The following ZNF474 variants were observed in gnomAD, a reference collection of about 807,000 sequenced individuals.
The protein encoded by ZNF474 is 4933409D10Rik.
For missense variants in ZNF474, 511 were observed against 433.8 expected, an observed-to-expected ratio of 1.18 and a Z score of -1.58; for synonymous variants, 192 against 162.2, an observed-to-expected ratio of 1.18 and a Z score of -1.39.
chr5:122,146,359 T>G (rs1755988604), intron 1 of ZNF474, among the ~76,000 whole-genome samples: 1 of 151,812 alleles, frequency 6.6e-6, no homozygotes, highest in Admixed American at 6.5e-5. Context: ...TAATAAAAAA[T>G]AGTCATTAAA....
Position 122,152,453 on chromosome 5 carries a change from G to A in ZNF474, c.463G>A (p.Glu155Lys), listed in dbSNP as rs114002354. The change falls in exon 2 of 2, where the codon GAG becomes AAG. Residue 155 changes from glutamate to lysine, a missense_variant. By Grantham distance (56) the Glu-to-Lys change is moderately conservative. Coordinates refer to ENST00000296600, the MANE Select transcript of ZNF474 (RefSeq NM_207317.3). The part of the protein sequence containing the change: ...SGSYSLQATN[E>K]AAFQSAQAQL... Reference sequence around the variant, plus strand: ...GTCCTACAGTCTTCAGGCAACTAACGAGGCTGCATTTCAGAGTGCCCAGGC... The same window carrying A: ...GTCCTACAGTCTTCAGGCAACTAACAAGGCTGCATTTCAGAGTGCCCAGGC... 3.1e-3 allele frequency: 4,968 copies of A among 1,614,178 alleles called. 18 individuals carry two copies. Among genetic ancestry groups the A allele is most frequent in the Non-Finnish European group, 3.7e-3 (4,413 of 1,180,022 alleles).
intron 1 of ZNF474, among the ~76,000 whole-genome samples, chr5:122,135,105 A>C (rs1383101814): frequency 6.6e-6 from 1 of 152,224 alleles, no homozygotes; most frequent in Non-Finnish European, 1.5e-5. Context: ...CCATCTGACA[A>C]GGGATTAATT....
At chr5:122,130,123 A>G (rs1272848399) in intron 1 of ZNF474, among the ~76,000 whole-genome samples, 1 of 152,156 alleles carries the variant, frequency 6.6e-6, no homozygotes, top group Non-Finnish European at 1.5e-5. Flanking sequence ...ATGAAAGAAA[A>G]GGGGTATTAA....
intron 1 of ZNF474, among the ~76,000 whole-genome samples, chr5:122,141,602 C>A (rs895769028): frequency 2.6e-4 from 39 of 152,036 alleles, no homozygotes. Flanking sequence ...CCACTGCACC[C>A]GGCCCTAGCT....
Position 122,152,528 on chromosome 5 carries a change from CT to C in ZNF474, c.540del (p.Val182PhefsTer137). ...TGGCCGCACATTCTTGCCAGATCAT[CT>C]TCTTGTTCATCACAGAAGCTGCAAG... Reference protein sequence around the residue: ...SCGRTFLPDHLLVHHRSCKPK... With the variant: ...SCGRTFLPDHXLVHHRSCKPK... On this transcript the variant is annotated frameshift_variant, in exon 2 of 2. Coordinates refer to ENST00000296600, the MANE Select transcript of ZNF474 (RefSeq NM_207317.3). LOFTEE classifies it low-confidence loss of function (END_TRUNC). 1 of 1,614,176 alleles carries C rather than the reference CT, an allele frequency of 6.2e-7. No homozygotes were observed. The highest frequency in any genetic ancestry group is 8.5e-7 in the Non-Finnish European group (1 of 1,180,028).
chr5:122,139,918 T>A (rs1261696386), intron 1 of ZNF474, among the ~76,000 whole-genome samples: 1 of 152,160 alleles, frequency 6.6e-6, no homozygotes, highest in Non-Finnish European at 1.5e-5. Flanking sequence ...TAGAGAGGAC[T>A]TACAAGCACA....
intron 1 of ZNF474, among the ~76,000 whole-genome samples, chr5:122,136,133 A>G (rs895623498): frequency 1.4e-4 from 21 of 152,236 alleles, no homozygotes; most frequent in Non-Finnish European, 8.8e-5. Flanking sequence ...AATAATGAAA[A>G]GACTAGAATT....
At chr5:122,148,799 C>T (rs557244634) in intron 1 of ZNF474, among the ~76,000 whole-genome samples, 18 of 151,714 alleles carry the variant, frequency 1.2e-4, no homozygotes, top group African/African-American at 3.9e-4. Context: ...TGCAATGGCG[C>T]GATCTTGGCT....
At chr5:122,135,174 T>C (rs1470195491) in intron 1 of ZNF474, among the ~76,000 whole-genome samples, 1 of 152,202 alleles carries the variant, frequency 6.6e-6, no homozygotes, top group Non-Finnish European at 1.5e-5. Context: ...TATACATTTT[T>C]AAAATGGGCA....
At chr5:122,133,929 T>G (rs1755638129) in intron 1 of ZNF474, among the ~76,000 whole-genome samples, 1 of 152,234 alleles carries the variant, frequency 6.6e-6, no homozygotes, top group African/African-American at 2.4e-5. Context: ...CAACTGGACC[T>G]TCATATGACT....
At chr5:122,138,727 C>T (rs1205819675) in intron 1 of ZNF474, among the ~76,000 whole-genome samples, 1 of 152,074 alleles carries the variant, frequency 6.6e-6, no homozygotes, top group African/African-American at 2.4e-5. Flanking sequence ...AATACATCCC[C>T]TTGACCCGGA....
At chr5:122,148,644 T>G (rs563241885) in intron 1 of ZNF474, among the ~76,000 whole-genome samples, 41 of 152,272 alleles carry the variant, frequency 2.7e-4, no homozygotes, top group African/African-American at 9.6e-4. Context: ...CTGAAGATAT[T>G]GGTGAAATTA....
chr5:122,150,284 T>C (rs1398853885), intron 1 of ZNF474, among the ~76,000 whole-genome samples: 1 of 152,310 alleles, frequency 6.6e-6, no homozygotes, highest in Non-Finnish European at 1.5e-5. Flanking sequence ...GGCCAACACA[T>C]ACTTTTCCCA....
intron 1 of ZNF474, among the ~76,000 whole-genome samples, chr5:122,143,264 T>C (rs1192132757): frequency 2.0e-5 from 3 of 152,188 alleles, no homozygotes; most frequent in African/African-American, 7.2e-5. Flanking sequence ...TTCATTGTGT[T>C]TGTTTCCACC....
chr5:122,132,198 A>G (rs1755593657), intron 1 of ZNF474, among the ~76,000 whole-genome samples: 1 of 152,140 alleles, frequency 6.6e-6, no homozygotes, highest in African/African-American at 2.4e-5. Context: ...ATTCTATTGT[A>G]TGAATATGCT....
chr5:122,138,549 G>A (rs1003082941), intron 1 of ZNF474, among the ~76,000 whole-genome samples: 3 of 152,116 alleles, frequency 2.0e-5, no homozygotes, highest in African/African-American at 4.8e-5. Flanking sequence ...AAGGCAATTG[G>A]GCAAAGACTC....
intron 1 of ZNF474, among the ~76,000 whole-genome samples, chr5:122,150,912 A>G (rs1413072132): frequency 1.3e-5 from 2 of 152,222 alleles, no homozygotes; most frequent in East Asian, 1.9e-4. Flanking sequence ...TCATCTTTCC[A>G]TGAAAGATCT....
chr5:122,152,923 T>C lies in ZNF474; in HGVS notation c.933T>C (p.Tyr311=). Residue 311 remains tyrosine (Y), a synonymous_variant, in exon 2 of 2, where the codon TAT becomes TAC. Coordinates refer to ENST00000296600, the MANE Select transcript of ZNF474 (RefSeq NM_207317.3). ...AGAGAAGTTGTAAAACTCATCCTTA[T>C]GGGCCAAAATATCAGAATTTGAATT... ...VHQRSCKTHP[Y]GPKYQNLNLG... 2 of 1,610,412 alleles carry C rather than the reference T, an allele frequency of 1.2e-6. No homozygotes were observed. The highest frequency in any genetic ancestry group is 1.1e-5 in the South Asian group (1 of 91,054).
chr5:122,135,884 T>C (rs528555057), intron 1 of ZNF474, among the ~76,000 whole-genome samples: 1 of 151,866 alleles, frequency 6.6e-6, no homozygotes, highest in South Asian at 2.1e-4. Flanking sequence ...TGAAATAAGC[T>C]AAGCACAGAA....
Sources: allele counts gnomAD v4.1 joint callset (sites outside exome capture counted in the v4.1 genomes callset), GRCh38; gene constraint gnomAD v4.1.1; transcripts MANE v1.5; gene names NCBI Gene and HGNC (gene_info 2026-07-23, HGNC 2026-07-21).